Variants in TRAK1 observed in about 807,000 individuals in gnomAD.
TRAK1 encodes the protein trafficking kinesin protein 1.
In TRAK1, 33 loss-of-function variants were observed where a neutral mutation model predicts 92.1. The ratio of observed to expected loss-of-function variants is 0.36; its 90% CI spans 0.27 to 0.48. The LOEUF (loss-of-function observed/expected upper bound fraction) is 0.48. TRAK1 is among the 20% of genes least tolerant of loss of function. The pLI, the probability that TRAK1 is intolerant of heterozygous loss-of-function variation, is 0.99. For synonymous variants in TRAK1, 521 were observed against 517.3 expected (o/e 1.01, Z -0.10); for missense variants, 1,123 against 1,257.9 (o/e 0.89, Z 1.62).
intron 2 of TRAK1, among the ~76,000 whole-genome samples, chr3:42,168,476 A>G (rs1304481658): frequency 2.6e-5 from 4 of 152,236 alleles, no homozygotes; most frequent in Non-Finnish European, 5.9e-5. Flanking sequence ...TTGTGCAACC[A>G]TCACCATAAT....
intron 1 of TRAK1, among the ~76,000 whole-genome samples, chr3:42,037,988 T>C (rs1702388256): frequency 1.3e-5 from 2 of 152,154 alleles, no homozygotes; most frequent in South Asian, 2.1e-4. Flanking sequence ...TTGTGTGTGG[T>C]GTGATGTTTA....
At chr3:42,185,976 T>C (rs1179083314) in intron 4 of TRAK1, among the ~76,000 whole-genome samples, 1 of 41,972 alleles carries the variant, frequency 2.4e-5, no homozygotes, top group East Asian at 5.7e-3. Flanking sequence ...GCCCAGCCTT[T>C]TTTTTTTTTT....
intron 1 of TRAK1, among the ~76,000 whole-genome samples, chr3:42,027,004 A>G (rs577407357): frequency 8.5e-5 from 13 of 152,140 alleles, no homozygotes; most frequent in Non-Finnish European, 1.9e-4. Context: ...TGTAACCTCA[A>G]TGTATACTCT....
At chr3:42,216,863 G>T (rs1321726850) in intron 14 of TRAK1, among the ~76,000 whole-genome samples, 1 of 152,138 alleles carries the variant, frequency 6.6e-6, no homozygotes, top group African/African-American at 2.4e-5. Context: ...TTGAGAGAAA[G>T]AATAAGAATT....
intron 14 of TRAK1, chr3:42,212,478 G>A (rs1577042900): frequency 1.0e-6 from 1 of 985,354 alleles, no homozygotes; most frequent in Non-Finnish European, 1.2e-6. Flanking sequence ...TTTAAGCACT[G>A]AAAAAATTTG....
At chr3:42,056,510 TAAA>T (rs1312915834) in intron 1 of TRAK1, among the ~76,000 whole-genome samples, 3 of 152,222 alleles carry the variant, frequency 2.0e-5, no homozygotes, top group Non-Finnish European at 2.9e-5. Context: ...TAACAGATGT[TAAA>T]AACATTTCAA....
chr3:42,083,937 C>T (rs111561120), upstream of TRAK1, among the ~76,000 whole-genome samples: 6,257 of 151,808 alleles, frequency 0.041, 424 homozygotes, highest in African/African-American at 0.14. Flanking sequence ...CCTACTGGTA[C>T]GGCATGTAGA....
At chr3:42,013,626 G>A (rs933579736), upstream of TRAK1, among the ~76,000 whole-genome samples, 23 of 149,292 alleles carry the variant, frequency 1.5e-4, no homozygotes, top group Non-Finnish European at 3.0e-4. This position sits in a 1 kb window ranked among gnomAD's most constrained non-coding sequence, Gnocchi z 5.1. Flanking sequence ...AGCGCGGAGG[G>A]GAGGTGCAAG....
chr3:42,140,797 C>T (rs1256784995), intron 2 of TRAK1, among the ~76,000 whole-genome samples: 1 of 152,210 alleles, frequency 6.6e-6, no homozygotes, highest in Non-Finnish European at 1.5e-5. Flanking sequence ...TCCGGGTCTT[C>T]CTCTCTTCTG....
At chr3:42,139,652 C>G (rs1698414473) in intron 2 of TRAK1, among the ~76,000 whole-genome samples, 1 of 152,176 alleles carries the variant, frequency 6.6e-6, no homozygotes, top group Non-Finnish European at 1.5e-5. Context: ...CATTTTTTGT[C>G]ATCAAACCCG....
rs558833922 is a variant in TRAK1, at chr3:42,209,625, C to T, written c.1745-142C>T. The T allele has an allele frequency of 7.0e-5, 54 of 772,620 alleles. No individual in the cohort carries two copies. The African/African-American group carries it at 7.2e-4, about 10-fold the overall frequency. 47.9% of individuals were successfully genotyped at this position (772,620 alleles called of 1,614,324 possible). The stretch of plus-strand genomic sequence containing the variant: ...GCTAAGGCGGCTCCACTGAAGTTCC[C>T]GCTGCAGTCCACCTGGAGGCCCAGA... On this transcript the variant is annotated intron_variant, in intron 13 of 15. Coordinates refer to ENST00000327628, the MANE Select transcript of TRAK1 (RefSeq NM_001042646.3).
At chr3:42,204,765 A>G (rs930957467) in intron 13 of TRAK1, among the ~76,000 whole-genome samples, 2 of 152,056 alleles carry the variant, frequency 1.3e-5, no homozygotes, top group Non-Finnish European at 2.9e-5. Flanking sequence ...ATTTATTTGT[A>G]GAGACAGGGT....
intron 2 of TRAK1, among the ~76,000 whole-genome samples, chr3:42,132,866 A>G (rs769795024): frequency 9.9e-5 from 15 of 151,884 alleles, no homozygotes; most frequent in Non-Finnish European, 1.0e-4. Flanking sequence ...GAGATTATTA[A>G]CTCATCCATT....
At chr3:42,168,810 G>T (rs897708426) in intron 2 of TRAK1, among the ~76,000 whole-genome samples, 1 of 151,514 alleles carries the variant, frequency 6.6e-6, no homozygotes, top group African/African-American at 2.4e-5. Flanking sequence ...GGGCTCAAGT[G>T]ATCTACTTTT....
In TRAK1 at chr3:42,112,376, C is replaced by T. The variant is rs545032844; in HGVS notation, c.92-13044C>T. Among the ~76,000 whole-genome samples the T allele has an allele frequency of 5.4e-5, 8 of 147,918 alleles. 1 individual carries two copies. The East Asian group carries it at 1.0e-3, about 19-fold the overall frequency. ...CTGGGAGGTGGAGGTTGCAGTGAGC[C>T]GAGATTGCACCACTGCACTCCAGCC... On this transcript the variant is annotated intron_variant, in intron 1 of 15. Transcript: ENST00000327628.
intron 1 of TRAK1, among the ~76,000 whole-genome samples, chr3:42,057,974 G>A (rs998460732): frequency 3.3e-5 from 5 of 152,202 alleles, no homozygotes; most frequent in Non-Finnish European, 7.3e-5. Flanking sequence ...GAGCTTCCTT[G>A]TAAAGCTGAA....
intron 14 of TRAK1, chr3:42,211,892 G>A (rs575256204): frequency 1.0e-6 from 1 of 985,376 alleles, no homozygotes; most frequent in South Asian, 4.7e-5. Context: ...CTGTAGAAAG[G>A]GTCAGGTTGG....
At chr3:42,161,024 A>G (rs1191652790) in intron 2 of TRAK1, among the ~76,000 whole-genome samples, 3 of 152,384 alleles carry the variant, frequency 2.0e-5, no homozygotes, top group Middle Eastern at 3.4e-3. Context: ...TTTTAAAAAA[A>G]TTATTAATCA....
intron 2 of TRAK1, chr3:42,160,244 A>C: frequency 6.6e-7 from 1 of 1,520,996 alleles, no homozygotes; most frequent in Non-Finnish European, 8.8e-7. Context: ...GGCCCAGGCC[A>C]GGGCGCAGTG....
Sources: gnomAD v4.1 joint callset for allele counts (sites outside exome capture counted in the v4.1 genomes callset) on GRCh38, gnomAD v4.1.1 for gene constraint, Gnocchi (gnomAD v3.1) non-coding constraint, MANE v1.5 for transcripts, NCBI Gene and HGNC (gene_info 2026-07-23, HGNC 2026-07-21) for gene names.